The following KRT4 variants were observed in gnomAD, a reference collection of about 807,000 sequenced individuals.
KRT4 encodes the protein keratin, type II cytoskeletal 4.
Under a neutral mutation model 50.6 loss-of-function variants are expected in KRT4, and 47 were observed. That is an observed-to-expected ratio of 0.93 (90% confidence interval 0.73 to 1.18). The LOEUF (loss-of-function observed/expected upper bound fraction) is 1.18, where lower values mean the gene tolerates loss of function less well. Among genes scored for constraint, KRT4 ranks in the 50% most tolerant of loss-of-function variants. KRT4 has a pLI of 0.00. For synonymous variants in KRT4, 254 were observed against 251.2 expected (o/e 1.01, Z -0.10); for missense variants, 651 against 645.7 (o/e 1.01, Z -0.09).
chr12:52,808,925 G>A (rs1283514580), intron 4 of KRT4, 75 bp from the exon 5 acceptor site: 3 of 1,503,032 alleles, frequency 2.0e-6, no homozygotes, highest in Admixed American at 1.7e-5. Flanking sequence ...AGTAGGAGCA[G>A]AGCTGGCATT....
intron 8 of KRT4, 45 bp downstream of exon 8, chr12:52,807,314 G>A (rs375562071): frequency 6.2e-7 from 1 of 1,614,154 alleles, no homozygotes; most frequent in Admixed American, 1.7e-5. Context: ...GGTCTGGCAA[G>A]ACCCGGGTGA....
chr12:52,809,114 A>G (rs1939861647), intron 4 of KRT4: 1 of 620,868 alleles, frequency 1.6e-6, no homozygotes, highest in Admixed American at 2.6e-5. Context: ...GATCCATTTC[A>G]CCAGAAAAAA....
In KRT4 at chr12:52,809,413, C is replaced by T; in HGVS notation, c.804G>A (p.Glu268=). The part of the protein sequence containing the change: ...LEAKVDSLND[E]INFLKVLYDA... ...CATAGAGGACCTTCAGGAAGTTGAT[C>T]TCGTCATTAAGACTGTCCACCTTGG... Residue 268 remains glutamate, a synonymous_variant, in exon 4 of 9, where the codon GAG becomes GAA. Transcript: ENST00000551956. The T allele has an allele frequency of 6.2e-7, 1 of 1,614,130 alleles. No individual in the cohort carries two copies. The highest frequency in any genetic ancestry group is 1.7e-5 in the Admixed American group (1 of 60,032).
Position 52,807,658 on chromosome 12 carries a change from C to T in KRT4, c.1332G>A (p.Glu444=). The T allele has an allele frequency of 6.2e-7, 1 of 1,613,984 alleles. No individual in the cohort carries two copies. Among genetic ancestry groups the T allele is most frequent in the East Asian group, 2.2e-5 (1 of 44,880 alleles). Residue 444 remains glutamate (E), a synonymous_variant, in exon 7 of 9, where the codon GAG becomes GAA. Coordinates refer to ENST00000551956, the MANE Select transcript of KRT4 (RefSeq NM_002272.4). ...TAACCCCTCACCTGTACTCCTCGCC[C>T]TCCAGCAGTTTGCGGTAGGTGGCGA... is the stretch of plus-strand genomic sequence containing the variant. ...IEIATYRKLL[E]GEEYRMSGEC...
rs200665579 is a variant in KRT4 at position 52,813,835 on chromosome 12, C to T, written c.224G>A (p.Gly75Glu). 1.1e-4 allele frequency: 174 copies of T among 1,614,102 alleles called. No individual in the cohort carries two copies. In the African/African-American group the frequency reaches 1.5e-3, roughly 14 times the overall value. The part of the protein sequence containing the change: ...VAGSRQGACF[G>E]GAGGFGTGGF... ...ACCAGTGCCAAAGCCTCCAGCACCCCCAAAGCAGGCACCTTGTCGTGACCC... is the reference window on the plus strand; with the variant it reads ...ACCAGTGCCAAAGCCTCCAGCACCCTCAAAGCAGGCACCTTGTCGTGACCC... The change falls in exon 1 of 9, where the codon GGG becomes GAG. Residue 75 changes from glycine (G) to glutamate (E), a missense_variant. Coordinates refer to ENST00000551956, the MANE Select transcript of KRT4 (RefSeq NM_002272.4).
At chr12:52,813,550 G>A in intron 1 of KRT4, 47 bp downstream of exon 1, 3 of 1,542,490 alleles carry the variant, frequency 1.9e-6, no homozygotes, top group Middle Eastern at 2.1e-4. Context: ...CAGGACTCAG[G>A]ACCCCTCTCT....
intron 6 of KRT4, among the ~76,000 whole-genome samples, 155 bp from the exon 7 acceptor site, chr12:52,808,019 C>T (rs1939832558): frequency 6.6e-6 from 1 of 152,154 alleles, no homozygotes; most frequent in Non-Finnish European, 1.5e-5. Context: ...CTCATTCACT[C>T]CAGCCATAGC....
Position 52,808,721 on chromosome 12 carries a change from T to C in KRT4, c.964A>G (p.Ser322Gly). ...TACAGGGCTTCAGCCTCAGCCTTGCTCCTCTGGGCAATCTCCTCGTACTGG... is the reference window on the plus strand; with the variant it reads ...TACAGGGCTTCAGCCTCAGCCTTGCCCCTCTGGGCAATCTCCTCGTACTGG... ...RAQYEEIAQR[S>G]KAEAEALYQT... Residue 322 changes from serine (S) to glycine (G), a missense_variant, in exon 5 of 9, where the codon AGC (serine) becomes GGC (glycine). Physicochemically the swap from Ser to Gly is moderately conservative, Grantham distance 56 (BLOSUM62 0). Transcript: ENST00000551956. 2.5e-6 allele frequency: 4 copies of C among 1,614,150 alleles called. No homozygotes were observed. The South Asian group carries it at 4.4e-5, about 18-fold the overall frequency.
rs779551294 is a variant in KRT4 at position 52,808,723 on chromosome 12, C to T, written c.962G>A (p.Arg321Lys). The part of the protein sequence containing the change: ...VRAQYEEIAQ[R>K]SKAEAEALYQ... The stretch of plus-strand genomic sequence containing the variant: ...CAGGGCTTCAGCCTCAGCCTTGCTC[C>T]TCTGGGCAATCTCCTCGTACTGGGC... The change falls in exon 5 of 9, where the codon AGG becomes AAG. Residue 321 changes from arginine (R) to lysine (K), a missense_variant. Transcript: ENST00000551956. 1 of 1,614,212 alleles carries T rather than the reference C, an allele frequency of 6.2e-7. No homozygotes were observed. Among genetic ancestry groups the T allele is most frequent in the Non-Finnish European group, 8.5e-7 (1 of 1,180,044 alleles).
rs1221027800 is a variant in KRT4 at position 52,813,922 on chromosome 12, C to T, written c.137G>A (p.Gly46Glu). Residue 46 changes from glycine (G) to glutamate (E), a missense_variant, in exon 1 of 9, where the codon GGA becomes GAA. Physicochemically the swap from Gly to Glu is moderately conservative, Grantham distance 98 (BLOSUM62 -2). Transcript: ENST00000551956. ...SGGAGRCSSG[G>E]FGSRSLYNLR... ...GTTGTAGAGGCTTCTGCTGCCAAAT[C>T]CCCCAGAAGAGCATCGGCCAGCACC... 1.2e-6 allele frequency: 2 copies of T among 1,614,258 alleles called. No homozygotes were observed. Among genetic ancestry groups the T allele is most frequent in the East Asian group, 2.2e-5 (1 of 44,884 alleles).
chr12:52,812,948 C>T (rs1473817646), intron 1 of KRT4, among the ~76,000 whole-genome samples: 1 of 152,186 alleles, frequency 6.6e-6, no homozygotes, highest in Non-Finnish European at 1.5e-5. Context: ...CTCTCTGGGG[C>T]TGCACTGCTC....
Position 52,813,728 on chromosome 12 carries a change from C to T in KRT4, c.331G>A (p.Glu111Lys), listed in dbSNP as rs1939953544. 3 of 1,614,206 alleles carry T rather than the reference C, an allele frequency of 1.9e-6. No homozygotes were observed. In the East Asian group the frequency reaches 6.7e-5, roughly 36 times the overall value. Residue 111 changes from glutamate (E) to lysine (K), a missense_variant, in exon 1 of 9, where the codon GAG (glutamate) becomes AAG (lysine). Physicochemically the swap from Glu to Lys is moderately conservative, Grantham distance 56. Coordinates refer to ENST00000551956, the MANE Select transcript of KRT4 (RefSeq NM_002272.4). The stretch of plus-strand genomic sequence containing the variant: ...AGCAAGCTCTGGTTGATGGTGACCT[C>T]CTGAATTCCCCCAGCGGGGCAGACG... ...FPVCPAGGIQ[E>K]VTINQSLLTP...
chr12:52,808,944 G>A, intron 4 of KRT4, 94 bp from the exon 5 acceptor site: 1 of 1,332,716 alleles, frequency 7.5e-7, no homozygotes, highest in Non-Finnish European at 1.1e-6. Context: ...TTCACAATGT[G>A]TAGGAAGGGG....
At chr12:52,808,488 C>G in intron 5 of KRT4, 69 bp from the exon 6 acceptor site, 1 of 1,603,062 alleles carries the variant, frequency 6.2e-7, no homozygotes, top group Non-Finnish European at 8.5e-7. Flanking sequence ...CTCAAGTGAA[C>G]TCAGTGAGAA....
At position 52,813,658 on chromosome 12, in the gene KRT4, C is replaced by G. The variant is rs556920531; in HGVS notation, c.401G>C (p.Arg134Pro). 11 of 1,614,030 alleles carry G rather than the reference C, an allele frequency of 6.8e-6. No individual in the cohort carries two copies. The African/African-American group carries it at 1.3e-4, about 20-fold the overall frequency. Reference protein sequence around the residue: ...VEIDPEIQKVRTEEREQIKLL... With the variant: ...VEIDPEIQKVPTEEREQIKLL... ...CTTGATCTGTTCGCGCTCTTCCGTC[C>G]GGACTTTCTGGATCTCAGGGTCAAT... Residue 134 changes from arginine to proline, a missense_variant, in exon 1 of 9, where the codon CGG becomes CCG. Arg to Pro is a moderately radical substitution (Grantham distance 103). Coordinates refer to ENST00000551956, the MANE Select transcript of KRT4 (RefSeq NM_002272.4).
intron 1 of KRT4, among the ~76,000 whole-genome samples, chr12:52,812,380 G>A (rs1358933726): frequency 2.0e-5 from 3 of 152,174 alleles, no homozygotes. Flanking sequence ...GAAAGACAAA[G>A]TCACTACAGA....
In KRT4 at chr12:52,807,825, G is replaced by T. The variant is rs1237497749; in HGVS notation, c.1165C>A (p.Arg389=). 1.9e-6 allele frequency: 3 copies of T among 1,613,944 alleles called. No individual in the cohort carries two copies. The highest frequency in any genetic ancestry group is 1.7e-5 in the Admixed American group (1 of 59,998). ...LQVSVADAEQ[R]GENALKDAHS... ...GCATCTTTAAGGGCATTCTCACCTC[G>T]CTGCTCTGCATCAGCCACGGATACC... Residue 389 remains arginine, a synonymous_variant, in exon 7 of 9, where the codon CGA becomes AGA. Transcript: ENST00000551956.
In KRT4 at chr12:52,808,875, G is replaced by A. The variant is rs760664502; in HGVS notation, c.835-25C>T. The A allele has an allele frequency of 9.9e-6, 16 of 1,613,444 alleles. No individual in the cohort carries two copies. In the South Asian group the frequency reaches 1.2e-4, roughly 12 times the overall value. On this transcript the variant is annotated intron_variant, in intron 4 of 8. Coordinates refer to ENST00000551956, the MANE Select transcript of KRT4 (RefSeq NM_002272.4). ...CCTGCAGGGCAAATGTCTCACATCAGCCCCCCCAGGAAAGCCTTCACTGAC... is the reference window on the plus strand; with the variant it reads ...CCTGCAGGGCAAATGTCTCACATCAACCCCCCCAGGAAAGCCTTCACTGAC...
At chr12:52,811,080 T>C (rs1429856661) in intron 2 of KRT4, among the ~76,000 whole-genome samples, 1 of 152,246 alleles carries the variant, frequency 6.6e-6, no homozygotes, top group African/African-American at 2.4e-5. Flanking sequence ...AATGATGTAG[T>C]TGATTTAATG....
Sources: gnomAD v4.1 joint callset for allele counts (sites outside exome capture counted in the v4.1 genomes callset) on GRCh38, gnomAD v4.1.1 for gene constraint, MANE v1.5 for transcripts, NCBI Gene and HGNC (gene_info 2026-07-23, HGNC 2026-07-21) for gene names.